Variants in TGFBR3 observed in about 807,000 individuals in gnomAD.
TGFBR3 encodes transforming growth factor beta receptor type 3.
Under a neutral mutation model 87.9 loss-of-function variants are expected in TGFBR3, and 46 were observed. That is an observed-to-expected ratio of 0.52 (90% CI 0.41 to 0.67). TGFBR3 has a LOEUF of 0.67. Among genes scored for constraint, TGFBR3 ranks in the 30% least tolerant of loss-of-function variants. TGFBR3 has a pLI of 0.00. For synonymous variants in TGFBR3, 381 were observed against 391.6 expected (o/e 0.97, Z 0.32); for missense variants, 866 against 1,041.9 (o/e 0.83, Z 2.32).
At chr1:91,738,282 C>A (rs1265000656) in intron 4 of TGFBR3, among the ~76,000 whole-genome samples, 1 of 152,188 alleles carries the variant, frequency 6.6e-6, no homozygotes, top group Non-Finnish European at 1.5e-5. Context: ...CAGCTGAACC[C>A]TGCTATGATC....
intron 1 of TGFBR3, among the ~76,000 whole-genome samples, chr1:91,885,155 T>C (rs1051323617): frequency 6.6e-6 from 1 of 152,258 alleles, no homozygotes; most frequent in Non-Finnish European, 1.5e-5. Flanking sequence ...CAGCTTTTCG[T>C]GAGGACACCA....
chr1:91,827,362 T>C (rs1190669840), intron 2 of TGFBR3, among the ~76,000 whole-genome samples: 1 of 152,196 alleles, frequency 6.6e-6, no homozygotes, highest in Non-Finnish European at 1.5e-5. Flanking sequence ...GGGTCCATTA[T>C]CAGTGGTAAC....
chr1:91,795,250 A>G (rs1020739656), intron 3 of TGFBR3, among the ~76,000 whole-genome samples: 2 of 152,252 alleles, frequency 1.3e-5, no homozygotes, highest in Non-Finnish European at 2.9e-5. Context: ...TCTCAGAAAC[A>G]TCTTCAAATC....
chr1:91,900,625 T>A lies in TGFBR3; in HGVS notation c.-174-928A>T, dbSNP rs140984982. Among the ~76,000 whole-genome samples the A allele has an allele frequency of 1.4e-4, 22 of 152,358 alleles. No individual in the cohort carries two copies. In the East Asian group the frequency reaches 4.2e-3, roughly 29 times the overall value. On this transcript the variant is annotated intron_variant, in intron 1 of 17. Coordinates refer to the TGFBR3 transcript ENST00000370399. ...CAAGAAACTCCACATCTTGACCATTTCTACCTTGCAATATATATTCTTGAC... is the reference window on the plus strand; with the variant it reads ...CAAGAAACTCCACATCTTGACCATTACTACCTTGCAATATATATTCTTGAC...
intron 7 of TGFBR3, among the ~76,000 whole-genome samples, chr1:91,724,859 G>T (rs975667365): frequency 2.6e-5 from 4 of 152,146 alleles, no homozygotes; most frequent in African/African-American, 9.7e-5. Context: ...TTTACATCTG[G>T]ACTGATGGTA....
At chr1:91,893,826 C>T (rs1292392541) in intron 2 of TGFBR3, among the ~76,000 whole-genome samples, 5 of 150,782 alleles carry the variant, frequency 3.3e-5, no homozygotes, top group Non-Finnish European at 7.4e-5. Flanking sequence ...CTTCAAAAAG[C>T]GTTCAGTCAG....
At chr1:91,905,628 T>A (rs1679829319) in intron 1 of TGFBR3, among the ~76,000 whole-genome samples, 1 of 152,002 alleles carries the variant, frequency 6.6e-6, no homozygotes, top group Admixed American at 6.6e-5. Flanking sequence ...GAGACGGGGT[T>A]TCGCTGATCC....
Position 91,722,000 on chromosome 1 carries a change from T to C in TGFBR3, c.1030A>G (p.Met344Val), listed in dbSNP as rs1166236642. ...NGYSPITSYTMAPVANRFHLR... is the reference protein window; with the variant it reads ...NGYSPITSYTVAPVANRFHLR... The stretch of plus-strand genomic sequence containing the variant: ...TGAAATCTATTAGCCACAGGAGCCA[T>C]TGTGTATGAAGTTATTGGACTATAG... The change falls in exon 8 of 17, where the codon ATG (methionine) becomes GTG (valine). Residue 344 changes from methionine to valine, a missense_variant. Physicochemically the swap from Met to Val is conservative, Grantham distance 21 (BLOSUM62 1). Coordinates refer to ENST00000212355, the MANE Select transcript of TGFBR3 (RefSeq NM_003243.5). 1.2e-6 allele frequency: 2 copies of C among 1,613,454 alleles called. No individual in the cohort carries two copies. The highest frequency in any genetic ancestry group is 1.7e-6 in the Non-Finnish European group (2 of 1,179,796).
At position 91,682,112 on chromosome 1, in the gene TGFBR3, T is replaced by C; in HGVS notation, c.*1627A>G. The C allele has an allele frequency of 2.2e-6, 1 of 454,090 alleles. No individual in the cohort carries two copies. Among genetic ancestry groups the C allele is most frequent in the South Asian group, 1.6e-5 (1 of 64,474 alleles). 28.1% of individuals were successfully genotyped at this position (454,090 alleles called of 1,614,324 possible). A position where few individuals can be genotyped will look rare whatever the true frequency, so the allele number is the denominator to read the frequency against. ...GTAAGTCATATTATTACTCAACGATTTGGTAAAAATGATTGTCAATTTCCA... is the reference window on the plus strand; with the variant it reads ...GTAAGTCATATTATTACTCAACGATCTGGTAAAAATGATTGTCAATTTCCA... On this transcript the variant is annotated 3_prime_UTR_variant, in exon 17 of 17. Transcript: ENST00000212355.
chr1:91,837,671 T>C (rs1677111808), intron 2 of TGFBR3, among the ~76,000 whole-genome samples: 1 of 152,216 alleles, frequency 6.6e-6, no homozygotes, highest in Non-Finnish European at 1.5e-5. Flanking sequence ...AGTTTACACA[T>C]ATACATTAGA....
chr1:91,727,658 C>T lies in TGFBR3; in HGVS notation c.885+1G>A. On this transcript the variant is annotated splice_donor_variant, in intron 7 of 16. Coordinates refer to ENST00000212355, the MANE Select transcript of TGFBR3 (RefSeq NM_003243.5). LOFTEE classifies it high-confidence loss of function. ...ACAAAAGACATGCTCCACCAACTTACAATAATTTTCAGGCTTCCCTTAACA... is the reference window on the plus strand; with the variant it reads ...ACAAAAGACATGCTCCACCAACTTATAATAATTTTCAGGCTTCCCTTAACA... 1.2e-6 allele frequency: 2 copies of T among 1,614,104 alleles called. No homozygotes were observed. Among genetic ancestry groups the T allele is most frequent in the Non-Finnish European group, 1.7e-6 (2 of 1,179,980 alleles).
Position 91,835,883 on chromosome 1 carries a change from C to T in TGFBR3, c.61+25588G>A, listed in dbSNP as rs1353637525. On this transcript the variant is annotated intron_variant, in intron 2 of 16. Transcript: ENST00000212355. ...AACATACCACTAGAACTCTACCATG[C>T]CCTATGAATACCAAATCTTCCCAGA... 2.0e-5 allele frequency among the ~76,000 whole-genome samples: 3 copies of T among 149,020 alleles called. No homozygotes were observed. The East Asian group carries it at 5.9e-4, about 29-fold the overall frequency.
chr1:91,707,625 G>A (rs1356503416), intron 14 of TGFBR3, among the ~76,000 whole-genome samples: 1 of 152,178 alleles, frequency 6.6e-6, no homozygotes, highest in Admixed American at 6.5e-5. Flanking sequence ...AAGGCCCTTG[G>A]TGCCCAGGCT....
intron 5 of TGFBR3, among the ~76,000 whole-genome samples, chr1:91,734,244 C>A (rs560669140): frequency 6.6e-6 from 1 of 152,104 alleles, no homozygotes; most frequent in Non-Finnish European, 1.5e-5. Context: ...CTTCTTTTCT[C>A]CAATAATTTG....
chr1:91,716,560 A>G lies in TGFBR3; in HGVS notation c.1707+8T>C, dbSNP rs1672179865. ...TCCACAAACCCCCTACTGATAACAA[A>G]CACATACCACCACGATTTCAGGTCG... On this transcript the variant is annotated splice_region_variant and intron_variant, in intron 11 of 16. Coordinates refer to ENST00000212355, the MANE Select transcript of TGFBR3 (RefSeq NM_003243.5). 6.2e-7 allele frequency: 1 copy of G among 1,613,962 alleles called. No homozygotes were observed. Among genetic ancestry groups the G allele is most frequent in the South Asian group, 1.1e-5 (1 of 91,084 alleles).
At chr1:91,809,785 G>C (rs1384811854) in intron 2 of TGFBR3, among the ~76,000 whole-genome samples, 2 of 152,178 alleles carry the variant, frequency 1.3e-5, no homozygotes, top group African/African-American at 2.4e-5. Flanking sequence ...CTTCAGGCTA[G>C]CTAGCCTGCT....
At chr1:91,798,398 T>C (rs370218818) in intron 2 of TGFBR3, among the ~76,000 whole-genome samples, 2 of 152,132 alleles carry the variant, frequency 1.3e-5, no homozygotes, top group South Asian at 2.1e-4. Flanking sequence ...CCCTTCTTGA[T>C]CTAGCCCCTT....
At chr1:91,888,570 C>T (rs1476858672), upstream of TGFBR3, among the ~76,000 whole-genome samples, 9 of 152,092 alleles carry the variant, frequency 5.9e-5, no homozygotes, top group Non-Finnish European at 1.0e-4. Flanking sequence ...GGCATGGTGG[C>T]GGGCACCTGT....
intron 2 of TGFBR3, among the ~76,000 whole-genome samples, chr1:91,839,141 C>T (rs1210798828): frequency 6.6e-6 from 1 of 152,076 alleles, no homozygotes. Context: ...CCATTCCTGG[C>T]TAATGTTTTA....
Sources: gnomAD v4.1 joint callset for allele counts (sites outside exome capture counted in the v4.1 genomes callset) on GRCh38, gnomAD v4.1.1 for gene constraint, MANE v1.5 for transcripts, NCBI Gene and HGNC (gene_info 2026-07-23, HGNC 2026-07-21) for gene names.